The following COL4A2 variants were observed in gnomAD, a reference collection of about 807,000 sequenced individuals.
COL4A2 encodes the protein collagen type IV alpha 2 chain.
COL4A2 carries 99 observed loss-of-function variants against 200.2 expected under a neutral mutation model. That is an observed-to-expected ratio of 0.49 (90% CI 0.42 to 0.58). The LOEUF (loss-of-function observed/expected upper bound fraction) is 0.58, where lower values mean the gene tolerates loss of function less well. Ranked by LOEUF, COL4A2 falls within the 20% of genes least tolerant of loss-of-function variation. The pLI is 0.00. For synonymous variants in COL4A2, 897 were observed against 900.6 expected (o/e 1.00, Z 0.07); for missense variants, 1,950 against 2,314.1 (o/e 0.84, Z 3.23).
At chr13:110,431,994 A>G (rs889850945) in intron 10 of COL4A2, among the ~76,000 whole-genome samples, 15 of 152,214 alleles carry the variant, frequency 9.9e-5, no homozygotes, top group African/African-American at 3.1e-4. Flanking sequence ...GAAGTCAGGG[A>G]AGCTGTCGCT....
Position 110,417,935 on chromosome 13 carries a change from G to A in COL4A2, c.181-6799G>A, listed in dbSNP as rs144053897. Among the ~76,000 whole-genome samples, 506 of 152,080 alleles carry A rather than the reference G, an allele frequency of 3.3e-3. 1 individual carries two copies. The highest frequency in any genetic ancestry group is 0.012 in the African/African-American group (485 of 41,452). On this transcript the variant is annotated intron_variant, in intron 4 of 47. Coordinates refer to ENST00000360467, the MANE Select transcript of COL4A2 (RefSeq NM_001846.4). ...ATATACCTAGGAGTGGGATTGTTGG[G>A]TCCTGTGAACTTTAGAAGAAATTGC...
intron 3 of COL4A2, among the ~76,000 whole-genome samples, chr13:110,340,192 A>C (rs1452141221): frequency 6.6e-6 from 1 of 152,072 alleles, no homozygotes; most frequent in Non-Finnish European, 1.5e-5. Flanking sequence ...ATCTCAGCTC[A>C]CTGCAGCCTC....
At chr13:110,495,073 T>A (rs186163142) in intron 39 of COL4A2, among the ~76,000 whole-genome samples, 89 of 152,332 alleles carry the variant, frequency 5.8e-4, no homozygotes, top group Admixed American at 3.9e-3. Flanking sequence ...CCCAGCTCCT[T>A]GACCCACTGT....
chr13:110,400,737 G>T (rs556436404), intron 4 of COL4A2, among the ~76,000 whole-genome samples: 1 of 152,274 alleles, frequency 6.6e-6, no homozygotes, highest in East Asian at 1.9e-4. Flanking sequence ...AGAAGATAAA[G>T]CATTTATAAT....
At chr13:110,343,656 G>A (rs1008295629) in intron 3 of COL4A2, among the ~76,000 whole-genome samples, 1 of 152,222 alleles carries the variant, frequency 6.6e-6, no homozygotes, top group Non-Finnish European at 1.5e-5. Flanking sequence ...GCAGGCACCT[G>A]AGGCTGAGCC....
At chr13:110,346,339 A>G (rs1378315523) in intron 3 of COL4A2, among the ~76,000 whole-genome samples, 1 of 152,178 alleles carries the variant, frequency 6.6e-6, no homozygotes, top group African/African-American at 2.4e-5. Context: ...AAATATATCT[A>G]AATTGCAATG....
Position 110,448,031 on chromosome 13 carries a change from C to T in COL4A2, c.1078+1167C>T, listed in dbSNP as rs117945796. On this transcript the variant is annotated intron_variant, in intron 18 of 47. Transcript: ENST00000360467. Reference sequence around the variant, plus strand: ...ATGTCTGTCTGGGGAGGCGTGGAGCCGTGAATGGGGATATTTTGAAATCCA... The same window carrying T: ...ATGTCTGTCTGGGGAGGCGTGGAGCTGTGAATGGGGATATTTTGAAATCCA... Among the ~76,000 whole-genome samples the T allele has an allele frequency of 1.2e-4, 19 of 152,260 alleles. No homozygotes were observed. The East Asian group carries it at 3.7e-3, about 29-fold the overall frequency.
At chr13:110,393,030 C>T (rs981841708) in intron 4 of COL4A2, among the ~76,000 whole-genome samples, 8 of 152,190 alleles carry the variant, frequency 5.3e-5, no homozygotes, top group Non-Finnish European at 8.8e-5. Flanking sequence ...AATATCCACA[C>T]GAACAGCTGC....
In COL4A2 at chr13:110,484,898, C is replaced by T. The variant is rs1342251288; in HGVS notation, c.2903-7C>T. The T allele has an allele frequency of 6.2e-6, 10 of 1,606,236 alleles. No individual in the cohort carries two copies. The South Asian group carries it at 6.6e-5, about 11-fold the overall frequency. On this transcript the variant is annotated splice_polypyrimidine_tract_variant and splice_region_variant and intron_variant, in intron 32 of 47. Coordinates refer to ENST00000360467, the MANE Select transcript of COL4A2 (RefSeq NM_001846.4). ...CCAGAAAATGACAGCACTCTATTCC[C>T]TTCCAGGCAGCCGAGGGGACCCTGG...
chr13:110,311,532 C>T (rs1021238636), intron 3 of COL4A2, among the ~76,000 whole-genome samples: 2 of 152,164 alleles, frequency 1.3e-5, no homozygotes, highest in Non-Finnish European at 2.9e-5. Context: ...AGGTGTTACT[C>T]ATCCCACCCA....
At chr13:110,321,007 AT>A (rs1885260110) in intron 3 of COL4A2, among the ~76,000 whole-genome samples, 2 of 152,180 alleles carry the variant, frequency 1.3e-5, no homozygotes, top group South Asian at 4.1e-4. Context: ...CTTTCTAAAT[AT>A]TTCATGTGTT....
intron 3 of COL4A2, among the ~76,000 whole-genome samples, chr13:110,311,786 G>A (rs1884990449): frequency 6.6e-6 from 1 of 152,236 alleles, no homozygotes; most frequent in African/African-American, 2.4e-5. Context: ...GTGGTCACCT[G>A]AGGACCTCTG....
intron 4 of COL4A2, among the ~76,000 whole-genome samples, chr13:110,377,848 T>C (rs1878301133): frequency 6.6e-6 from 1 of 152,204 alleles, no homozygotes; most frequent in South Asian, 2.1e-4. Flanking sequence ...TTTGAACATA[T>C]CACAAGTATA....
intron 33 of COL4A2, among the ~76,000 whole-genome samples, 162 bp downstream of exon 33, chr13:110,485,189 T>A (rs931234095): frequency 2.0e-5 from 3 of 152,186 alleles, no homozygotes; most frequent in Non-Finnish European, 4.4e-5. Flanking sequence ...GGCGCAGGGT[T>A]GTTCTCTGAT....
chr13:110,429,079 T>A (rs927421137), intron 7 of COL4A2: 1 of 152,608 alleles, frequency 6.6e-6, no homozygotes, highest in African/African-American at 2.4e-5. Flanking sequence ...GTGTCTTCAG[T>A]AGTACGTTGC....
At position 110,507,844 on chromosome 13, in the gene COL4A2, C is replaced by T. The variant is rs149646759; in HGVS notation, c.4595-91C>T. The T allele has an allele frequency of 2.1e-4, 288 of 1,388,654 alleles. No homozygotes were observed. In the African/African-American group the frequency reaches 3.6e-3, roughly 17 times the overall value. The allele number at this position is 1,388,654 out of a possible 1,614,324, so 86.0% of individuals were successfully genotyped here. On this transcript the variant is annotated intron_variant, in intron 46 of 47. Coordinates refer to ENST00000360467, the MANE Select transcript of COL4A2 (RefSeq NM_001846.4). ...TCCACCAGGTGCCCTGGGGCGAGTC[C>T]GTGACACACAGCCTCCTGGGCCTGG...
intron 18 of COL4A2, among the ~76,000 whole-genome samples, chr13:110,448,427 T>A (rs1015665147): frequency 1.3e-5 from 2 of 152,168 alleles, no homozygotes; most frequent in Non-Finnish European, 2.9e-5. Flanking sequence ...CTGCCGCCTT[T>A]TCTACCGGAC....
chr13:110,379,955 G>A (rs1878396113), intron 4 of COL4A2, among the ~76,000 whole-genome samples: 1 of 152,118 alleles, frequency 6.6e-6, no homozygotes, highest in African/African-American at 2.4e-5. Flanking sequence ...CAGCCCCTCT[G>A]TGTCACCAGG....
chr13:110,395,369 T>G (rs1335542814), intron 4 of COL4A2, among the ~76,000 whole-genome samples: 1 of 152,168 alleles, frequency 6.6e-6, no homozygotes, highest in Non-Finnish European at 1.5e-5. Flanking sequence ...TCATTCATTG[T>G]GGACAGATAC....
Sources: allele counts gnomAD v4.1 joint callset (sites outside exome capture counted in the v4.1 genomes callset), GRCh38; gene constraint gnomAD v4.1.1; transcripts MANE v1.5; gene names NCBI Gene and HGNC (gene_info 2026-07-23, HGNC 2026-07-21).